Variants in WDR47 observed in about 807,000 individuals in gnomAD.
WDR47 encodes the protein WD repeat-containing protein 47.
WDR47 carries 32 observed loss-of-function variants against 97.2 expected under a neutral mutation model. The observed-to-expected ratio is 0.33, with a 90% CI of 0.25 to 0.44. The LOEUF is 0.44. Among genes scored for constraint, WDR47 ranks in the 20% least tolerant of loss-of-function variants. The pLI is 1.00. For synonymous variants in WDR47, 375 were observed against 373.5 expected (o/e 1.00, Z -0.05); for missense variants, 782 against 1,102.3 (o/e 0.71, Z 4.11).
chr1:109,037,831 T>C (rs1663068394), intron 1 of WDR47, among the ~76,000 whole-genome samples: 1 of 152,030 alleles, frequency 6.6e-6, no homozygotes, highest in African/African-American at 2.4e-5. Flanking sequence ...TTATGTCTTT[T>C]TGCTTGTAGT....
chr1:109,014,594 G>A (rs185960041), intron 3 of WDR47, among the ~76,000 whole-genome samples: 4 of 152,014 alleles, frequency 2.6e-5, no homozygotes, highest in East Asian at 1.9e-4. Context: ...CACAGCACCC[G>A]GCCAATTTTT....
In WDR47 at chr1:108,971,454, G is replaced by A; in HGVS notation, c.2736C>T (p.Val912=). 1 of 1,614,184 alleles carries A rather than the reference G, an allele frequency of 6.2e-7. No individual in the cohort carries two copies. The highest frequency in any genetic ancestry group is 8.5e-7 in the Non-Finnish European group (1 of 1,180,030). The change falls in exon 15 of 15, where the codon GTC becomes GTT. Residue 912 remains valine (V), a synonymous_variant. Coordinates refer to ENST00000369962, the MANE Select transcript of WDR47 (RefSeq NM_001142551.2). ...SFLSSSADRT[V]TLWTYNG Reference sequence around the variant, plus strand: ...TCTACCCATTGTAAGTCCAGAGGGTGACAGTTCTATCTGCAGAGGATGACA... The same window carrying A: ...TCTACCCATTGTAAGTCCAGAGGGTAACAGTTCTATCTGCAGAGGATGACA...
Position 108,988,853 on chromosome 1 carries a change from GTTCAAGCGA to G in WDR47, c.1768-2182_1768-2174del, listed in dbSNP as rs1489743878. ...ATTCACCGCAACCTCTGCCTCCCAA[GTTCAAGCGA>G]TTCTCCTGCCTCAGCCTCCCAAGTA... On this transcript the variant is annotated intron_variant, in intron 9 of 14. Transcript: ENST00000369962. Among the ~76,000 whole-genome samples the G allele has an allele frequency of 3.3e-5, 5 of 152,084 alleles. No homozygotes were observed. The East Asian group carries it at 9.7e-4, about 29-fold the overall frequency.
rs146973399 is a variant in WDR47, at chr1:109,027,497, T to C, written c.-9-3976A>G. On this transcript the variant is annotated intron_variant, in intron 1 of 14. Transcript: ENST00000369962. ...GAAACATTTATACAGGCTCCCAAAATCTTACCTCTGTAAGTGATATATACT... is the reference window on the plus strand; with the variant it reads ...GAAACATTTATACAGGCTCCCAAAACCTTACCTCTGTAAGTGATATATACT... 3.1e-3 allele frequency among the ~76,000 whole-genome samples: 476 copies of C among 152,248 alleles called. 1 individual carries two copies. In the Middle Eastern group the frequency reaches 0.044, roughly 14 times the overall value.
intron 9 of WDR47, among the ~76,000 whole-genome samples, chr1:108,987,871 A>G (rs750905336): frequency 7.9e-5 from 12 of 151,978 alleles, no homozygotes; most frequent in Non-Finnish European, 1.6e-4. Context: ...TCTATTTTTC[A>G]TTACTCATTG....
At chr1:109,041,554 G>A (rs576243845) in intron 1 of WDR47, 1 of 152,380 alleles carries the variant, frequency 6.6e-6, no homozygotes, top group Non-Finnish European at 1.5e-5. Flanking sequence ...CCAGGGCGAG[G>A]GGCGTCGCTC....
chr1:109,040,930 A>T (rs13303191), intron 1 of WDR47, among the ~76,000 whole-genome samples: 86,732 of 151,832 alleles, frequency 0.57, 25,316 homozygotes, highest in East Asian at 0.77. Context: ...AAAGAGAGAA[A>T]TAAGTATTAG....
At chr1:109,001,544 G>C (rs1399051550) in intron 7 of WDR47, among the ~76,000 whole-genome samples, 1 of 152,142 alleles carries the variant, frequency 6.6e-6, no homozygotes, top group East Asian at 1.9e-4. Flanking sequence ...ACTTTACAAA[G>C]ATTAACTCTA....
Position 109,011,273 on chromosome 1 carries a change from C to A in WDR47, c.773G>T (p.Cys258Phe). The change falls in exon 5 of 15, where the codon TGT (cysteine) becomes TTT (phenylalanine). Residue 258 changes from cysteine to phenylalanine, a missense_variant. Physicochemically the swap from Cys to Phe is radical, Grantham distance 205. Transcript: ENST00000369962. ...ATTAAGCATTTTCTGTTCAAAAGCACAAGAGAAGACAGAAGATGGAAGATT... is the reference window on the plus strand; with the variant it reads ...ATTAAGCATTTTCTGTTCAAAAGCAAAAGAGAAGACAGAAGATGGAAGATT... ...LQNLPSSVFS[C>F]AFEQKMLNIH... The A allele has an allele frequency of 6.2e-7, 1 of 1,614,074 alleles. No homozygotes were observed. Among genetic ancestry groups the A allele is most frequent in the Non-Finnish European group, 8.5e-7 (1 of 1,180,034 alleles).
At chr1:108,977,803 G>C (rs909136990) in intron 13 of WDR47, among the ~76,000 whole-genome samples, 2 of 152,112 alleles carry the variant, frequency 1.3e-5, no homozygotes, top group Admixed American at 6.6e-5. Flanking sequence ...ACTCCAGCCT[G>C]GGCGACAAAG....
intron 13 of WDR47, among the ~76,000 whole-genome samples, chr1:108,977,161 C>A (rs200712508): frequency 6.6e-6 from 1 of 151,318 alleles, no homozygotes. Flanking sequence ...GGGTTTTTTT[C>A]TTTTTTTTGA....
At chr1:108,983,125 A>G (rs1469487346) in intron 11 of WDR47, among the ~76,000 whole-genome samples, 157 bp downstream of exon 11, 1 of 152,224 alleles carries the variant, frequency 6.6e-6, no homozygotes, top group Non-Finnish European at 1.5e-5. Flanking sequence ...AAAGAGTAAT[A>G]CCTCATGAAT....
intron 13 of WDR47, among the ~76,000 whole-genome samples, chr1:108,981,127 CA>C (rs1244532285): frequency 0.018 from 1,733 of 98,188 alleles, 8 homozygotes; most frequent in African/African-American, 0.037. Flanking sequence ...GATTCCATCT[CA>C]AAAAAAAAAA....
chr1:108,986,743 C>A (rs1050963291), intron 9 of WDR47, 63 bp from the exon 10 acceptor site: 3 of 1,345,392 alleles, frequency 2.2e-6, no homozygotes, highest in East Asian at 5.0e-5. Context: ...ATTCATCTTT[C>A]TCCCATTTTA....
intron 7 of WDR47, 112 bp from the exon 8 acceptor site, chr1:108,995,949 T>A (rs370891406): frequency 9.1e-7 from 1 of 1,092,972 alleles, no homozygotes; most frequent in East Asian, 2.6e-5. Flanking sequence ...ATATATAATC[T>A]ATGGCAAATT....
chr1:108,997,769 A>AAG (rs1305195384), intron 7 of WDR47, among the ~76,000 whole-genome samples: 1 of 150,952 alleles, frequency 6.6e-6, no homozygotes, highest in East Asian at 1.9e-4. Flanking sequence ...CAAAAAAAAA[A>AAG]AAAAAAAGAA....
chr1:109,001,125 TA>T (rs1299811025), intron 7 of WDR47, among the ~76,000 whole-genome samples: 1 of 151,770 alleles, frequency 6.6e-6, no homozygotes, highest in Non-Finnish European at 1.5e-5. Context: ...CCATCTCTAC[TA>T]AAAAAATACA....
intron 1 of WDR47, among the ~76,000 whole-genome samples, chr1:109,035,973 A>T (rs1330151590): frequency 6.6e-6 from 1 of 152,058 alleles, no homozygotes; most frequent in Non-Finnish European, 1.5e-5. Context: ...CTATAGACAT[A>T]TGCCAACTTG....
chr1:109,020,654 G>A (rs1020676131), intron 2 of WDR47, among the ~76,000 whole-genome samples: 1 of 151,894 alleles, frequency 6.6e-6, no homozygotes, highest in African/African-American at 2.4e-5. Context: ...CAAGCAGGAG[G>A]GTACTTGAGA....
Sources: allele counts gnomAD v4.1 joint callset (sites outside exome capture counted in the v4.1 genomes callset), GRCh38; gene constraint gnomAD v4.1.1; transcripts MANE v1.5; gene names NCBI Gene and HGNC (gene_info 2026-07-23, HGNC 2026-07-21).